Variants in NSMAF observed in about 807,000 individuals in gnomAD.
NSMAF encodes protein FAN.
Under a neutral mutation model 134.9 loss-of-function variants are expected in NSMAF, and 90 were observed. The ratio of observed to expected loss-of-function variants is 0.67; its 90% CI spans 0.56 to 0.79. The LOEUF is 0.79. Ranked by LOEUF, NSMAF falls within the 30% of genes least tolerant of loss-of-function variation. The probability of loss-of-function intolerance (pLI) is 0.00; values close to 1 mark genes in which losing one functional copy is unlikely to be tolerated. For missense variants in NSMAF, 1,010 were observed against 1,119.0 expected, an observed-to-expected ratio of 0.90 and a Z score of 1.39; for synonymous variants, 358 against 389.6, an observed-to-expected ratio of 0.92 and a Z score of 0.96.
intron 2 of NSMAF, among the ~76,000 whole-genome samples, chr8:58,641,387 A>C (rs77976156): frequency 0.027 from 4,120 of 152,234 alleles, 204 homozygotes; most frequent in African/African-American, 0.093. Context: ...TTCCATCTCT[A>C]TATTGTTCTT....
chr8:58,630,258 A>G (rs1197781661), intron 6 of NSMAF, among the ~76,000 whole-genome samples: 1 of 151,338 alleles, frequency 6.6e-6, no homozygotes, highest in East Asian at 1.9e-4. Flanking sequence ...TCTTCACAGG[A>G]GGAAGGAGGG....
chr8:58,627,486 G>A (rs1806961928), intron 6 of NSMAF, among the ~76,000 whole-genome samples: 1 of 152,224 alleles, frequency 6.6e-6, no homozygotes, highest in Admixed American at 6.5e-5. Flanking sequence ...AAAGCTCTTA[G>A]ATCTAATAAA....
chr8:58,644,474 A>G (rs116255551), intron 1 of NSMAF, among the ~76,000 whole-genome samples: 4,107 of 152,288 alleles, frequency 0.027, 198 homozygotes, highest in African/African-American at 0.093. Flanking sequence ...ATCAAGTGCT[A>G]GAGACGATGT....
chr8:58,592,614 G>T (rs1257591185), intron 23 of NSMAF, among the ~76,000 whole-genome samples: 2 of 152,314 alleles, frequency 1.3e-5, no homozygotes, highest in East Asian at 3.9e-4. Flanking sequence ...TCGGCCGGGC[G>T]TGGTGGCCCA....
rs1472725649 is a variant in NSMAF at position 58,628,002 on chromosome 8, T to TA, written c.384+3493_384+3494insT. Among the ~76,000 whole-genome samples, 3 of 152,310 alleles carry TA rather than the reference T, an allele frequency of 2.0e-5. No homozygotes were observed. The South Asian group carries it at 6.2e-4, about 32-fold the overall frequency. On this transcript the variant is annotated intron_variant, in intron 6 of 30. Coordinates refer to ENST00000038176, the MANE Select transcript of NSMAF (RefSeq NM_003580.4). ...TTCAAAATATACTACAATGCTATAG[T>TA]TACCAAAATAGCATGGGGCTAGTAT...
intron 19 of NSMAF, among the ~76,000 whole-genome samples, chr8:58,598,591 T>C (rs190838333): frequency 4.6e-4 from 70 of 151,538 alleles, no homozygotes; most frequent in African/African-American, 1.6e-3. Context: ...CACACTGTAA[T>C]AGAGTTTTAA....
At chr8:58,627,552 C>T (rs911462606) in intron 6 of NSMAF, among the ~76,000 whole-genome samples, 1 of 152,176 alleles carries the variant, frequency 6.6e-6, no homozygotes, top group Admixed American at 6.5e-5. Context: ...AGTAGCACTG[C>T]TATACACCAA....
chr8:58,648,226 T>C (rs1169298388), intron 1 of NSMAF, among the ~76,000 whole-genome samples: 1 of 152,212 alleles, frequency 6.6e-6, no homozygotes, highest in Non-Finnish European at 1.5e-5. Flanking sequence ...GTAGGGTATG[T>C]GGCGGAAGAA....
intron 1 of NSMAF, among the ~76,000 whole-genome samples, chr8:58,648,840 G>A (rs1807518020): frequency 6.6e-6 from 1 of 152,236 alleles, no homozygotes; most frequent in Non-Finnish European, 1.5e-5. Flanking sequence ...GTGTGAAAAG[G>A]CCTGGAATCC....
rs1170348218 is a variant in NSMAF at position 58,601,649 on chromosome 8, TTC to T, written c.1126-116_1126-115del. On this transcript the variant is annotated intron_variant, in intron 14 of 30. Coordinates refer to ENST00000038176, the MANE Select transcript of NSMAF (RefSeq NM_003580.4). ...ACATAGATATACCATATTCCTTAAT[TTC>T]TCTGTTAGATAAGAAAAGGAGAAGA... The T allele has an allele frequency of 5.2e-6, 7 of 1,348,808 alleles. No individual in the cohort carries two copies. The African/African-American group carries it at 8.9e-5, about 17-fold the overall frequency. 83.6% of individuals were successfully genotyped at this position (1,348,808 alleles called of 1,614,324 possible). A position where few individuals can be genotyped will look rare whatever the true frequency, so the allele number is the denominator to read the frequency against.
intron 5 of NSMAF, among the ~76,000 whole-genome samples, chr8:58,634,469 C>G (rs1807124862): frequency 6.6e-6 from 1 of 152,150 alleles, no homozygotes; most frequent in South Asian, 2.1e-4. Flanking sequence ...TTTGTTCCCA[C>G]AGCTTTTCTT....
intron 2 of NSMAF, among the ~76,000 whole-genome samples, chr8:58,640,860 C>T (rs1259274231): frequency 6.6e-6 from 1 of 151,994 alleles, no homozygotes; most frequent in Non-Finnish European, 1.5e-5. Flanking sequence ...AACCACCACA[C>T]CTGAACTGTT....
At chr8:58,589,893 T>G in intron 25 of NSMAF, 114 bp downstream of exon 25, 1 of 820,320 alleles carries the variant, frequency 1.2e-6, no homozygotes. Flanking sequence ...TCTGTTCCCT[T>G]TAGAAAACAG....
intron 30 of NSMAF, among the ~76,000 whole-genome samples, chr8:58,585,317 G>GTTTTTTTTTTTTTTTTTTTTTTTT (rs571525208): frequency 1.4e-5 from 2 of 144,330 alleles, no homozygotes; most frequent in African/African-American, 5.1e-5. Context: ...TTGTTTCTGG[G>GTTTTTTTTTTTTTTTTTTTTTTTT]TTTTTTTTTT....
chr8:58,587,851 A>C, intron 26 of NSMAF, 150 bp from the exon 27 acceptor site: 1 of 646,388 alleles, frequency 1.5e-6, no homozygotes. Flanking sequence ...CCTCCTCCCT[A>C]TGCCTGCACT....
At chr8:58,601,967 TA>T in intron 14 of NSMAF, 90 bp downstream of exon 14, 2 of 990,386 alleles carry the variant, frequency 2.0e-6, no homozygotes, top group Non-Finnish European at 3.1e-6. Flanking sequence ...ATAATTCCCC[TA>T]AGCCTTGGAG....
At chr8:58,602,581 C>T (rs1806310037) in intron 13 of NSMAF, among the ~76,000 whole-genome samples, 1 of 152,004 alleles carries the variant, frequency 6.6e-6, no homozygotes, top group Non-Finnish European at 1.5e-5. Flanking sequence ...TATCATATTT[C>T]TAGAAAATCT....
At chr8:58,596,993 G>A (rs1408771123) in intron 21 of NSMAF, among the ~76,000 whole-genome samples, 1 of 151,402 alleles carries the variant, frequency 6.6e-6, no homozygotes, top group Non-Finnish European at 1.5e-5. Context: ...GCCAGAGAAA[G>A]TCCCTTCTGG....
chr8:58,586,030 G>A lies in NSMAF; in HGVS notation c.2447-30C>T, dbSNP rs373419901. On this transcript the variant is annotated intron_variant, in intron 28 of 30. Transcript: ENST00000038176. ...AACACAAGGTGAGACTCAGATATGA[G>A]TGACAGCTTCAGAATGTGGTTTACA... 20 of 1,511,212 alleles carry A rather than the reference G, an allele frequency of 1.3e-5. No individual in the cohort carries two copies. In the East Asian group the frequency reaches 2.5e-4, roughly 19 times the overall value. 93.6% of individuals were successfully genotyped at this position (1,511,212 alleles called of 1,614,324 possible).
Sources: gnomAD v4.1 joint callset for allele counts (sites outside exome capture counted in the v4.1 genomes callset) on GRCh38, gnomAD v4.1.1 for gene constraint, MANE v1.5 for transcripts, NCBI Gene and HGNC (gene_info 2026-07-23, HGNC 2026-07-21) for gene names.